SGCZ: variants seen among roughly 807,000 people sequenced by gnomAD.
SGCZ encodes sarcoglycan zeta, also known as zeta-sarcoglycan.
SGCZ carries 40 observed loss-of-function variants against 41.3 expected under a neutral mutation model. The observed-to-expected ratio is 0.97, with a 90% CI of 0.75 to 1.26. SGCZ has a LOEUF of 1.26. Ranked by LOEUF, SGCZ falls within the 50% of genes most tolerant of loss-of-function variation. The pLI is 0.00. For synonymous variants in SGCZ, 206 were observed against 137.5 expected (o/e 1.50, Z -3.49); for missense variants, 552 against 369.8 (o/e 1.49, Z -4.04).
intron 1 of SGCZ, among the ~76,000 whole-genome samples, chr8:14,644,529 A>C (rs985996472): frequency 2.6e-5 from 4 of 151,752 alleles, no homozygotes; most frequent in Admixed American, 1.3e-4. Context: ...GTCTCTCTTT[A>C]TCTCTCCTTC....
At chr8:14,205,367 C>A (rs1186404501) in intron 4 of SGCZ, among the ~76,000 whole-genome samples, 1 of 152,160 alleles carries the variant, frequency 6.6e-6, no homozygotes, top group African/African-American at 2.4e-5. Flanking sequence ...ATTTTCCAAG[C>A]AATCTGCTAA....
intron 2 of SGCZ, among the ~76,000 whole-genome samples, chr8:14,543,944 C>T (rs1803545590): frequency 6.6e-6 from 1 of 152,044 alleles, no homozygotes; most frequent in Non-Finnish European, 1.5e-5. Flanking sequence ...TGTGTTATGG[C>T]CCATCACCAG....
rs562837175 is a variant in SGCZ, at chr8:14,781,005, T to A, written c.40-226079A>T. ...TGATACCAAGACCTAAAATATTTAGTTTAAACTAGCAGACTTTTGTCATCA... is the reference window on the plus strand; with the variant it reads ...TGATACCAAGACCTAAAATATTTAGATTAAACTAGCAGACTTTTGTCATCA... On this transcript the variant is annotated intron_variant, in intron 1 of 7. Transcript: ENST00000382080. Among the ~76,000 whole-genome samples, 4 of 152,256 alleles carry A rather than the reference T, an allele frequency of 2.6e-5. No homozygotes were observed. In the South Asian group the frequency reaches 6.2e-4, roughly 24 times the overall value.
intron 2 of SGCZ, among the ~76,000 whole-genome samples, chr8:14,477,297 A>T (rs1043499929): frequency 3.9e-5 from 6 of 152,268 alleles, no homozygotes; most frequent in African/African-American, 1.2e-4. Flanking sequence ...ACCACAGCAA[A>T]ACCCTTTAAA....
At chr8:14,662,615 G>T (rs182059386) in intron 1 of SGCZ, among the ~76,000 whole-genome samples, 31 of 152,228 alleles carry the variant, frequency 2.0e-4, no homozygotes, top group Non-Finnish European at 3.7e-4. Context: ...GCTAAATAAT[G>T]GTCCTCCAAA....
At chr8:14,907,063 G>C (rs1799138133) in intron 1 of SGCZ, among the ~76,000 whole-genome samples, 1 of 152,078 alleles carries the variant, frequency 6.6e-6, no homozygotes, top group African/African-American at 2.4e-5. Context: ...TGAAAGCATG[G>C]TGCTAGTTTT....
intron 1 of SGCZ, among the ~76,000 whole-genome samples, chr8:15,067,171 A>G (rs1805182553): frequency 6.6e-6 from 1 of 152,114 alleles, no homozygotes; most frequent in Admixed American, 6.6e-5. Flanking sequence ...CCAGTCATTT[A>G]TTTCCATATA....
intron 2 of SGCZ, among the ~76,000 whole-genome samples, chr8:14,326,207 C>T (rs1802108333): frequency 6.7e-6 from 1 of 148,228 alleles, no homozygotes; most frequent in African/African-American, 2.5e-5. Context: ...GTTTATAAAA[C>T]CAAGGATAAA....
intron 4 of SGCZ, among the ~76,000 whole-genome samples, chr8:14,223,557 G>C (rs976118946): frequency 6.7e-6 from 1 of 150,360 alleles, no homozygotes; most frequent in Admixed American, 6.7e-5. Context: ...TATTTTAACA[G>C]AATTAGTGAG....
At chr8:14,243,240 A>G (rs573786654) in intron 3 of SGCZ, among the ~76,000 whole-genome samples, 1 of 152,194 alleles carries the variant, frequency 6.6e-6, no homozygotes, top group Non-Finnish European at 1.5e-5. Flanking sequence ...TGTATAGTTT[A>G]CAAGAAAAAT....
intron 1 of SGCZ, among the ~76,000 whole-genome samples, chr8:15,212,902 T>C (rs1334117137): frequency 6.6e-6 from 1 of 152,092 alleles, no homozygotes; most frequent in South Asian, 2.1e-4. Flanking sequence ...GGGTAATGAA[T>C]ATAACTGATC....
chr8:14,458,649 T>G (rs1800815999), intron 2 of SGCZ, among the ~76,000 whole-genome samples: 1 of 152,178 alleles, frequency 6.6e-6, no homozygotes, highest in Non-Finnish European at 1.5e-5. Context: ...ACATGTGGAC[T>G]AGGATCTCTA....
chr8:15,194,752 G>A (rs1385341416), intron 1 of SGCZ, among the ~76,000 whole-genome samples: 1 of 152,136 alleles, frequency 6.6e-6, no homozygotes, highest in Non-Finnish European at 1.5e-5. Flanking sequence ...GTTAGAACAG[G>A]TAAGGAAACA....
intron 5 of SGCZ, among the ~76,000 whole-genome samples, chr8:14,149,185 G>C (rs1195240026): frequency 6.6e-6 from 1 of 152,050 alleles, no homozygotes; most frequent in East Asian, 1.9e-4. Context: ...GTACTAGCTA[G>C]AGCCATCAGA....
intron 1 of SGCZ, among the ~76,000 whole-genome samples, chr8:14,707,977 CAT>C (rs1040013065): frequency 4.0e-5 from 6 of 151,896 alleles, no homozygotes; most frequent in African/African-American, 1.2e-4. Flanking sequence ...AATTAACAAA[CAT>C]GTAGGACAAA....
chr8:14,427,322 C>T (rs1160558887), intron 2 of SGCZ, among the ~76,000 whole-genome samples: 1 of 151,746 alleles, frequency 6.6e-6, no homozygotes, highest in Non-Finnish European at 1.5e-5. Flanking sequence ...CACATGTACC[C>T]CTGAACTTAA....
chr8:15,167,260 C>G (rs1205839297), intron 1 of SGCZ, among the ~76,000 whole-genome samples: 2 of 152,224 alleles, frequency 1.3e-5, no homozygotes, highest in African/African-American at 4.8e-5. Context: ...TTTACCAAGG[C>G]TTTGACTGGA....
chr8:14,213,314 T>C (rs1165935193), intron 4 of SGCZ, among the ~76,000 whole-genome samples: 1 of 152,088 alleles, frequency 6.6e-6, no homozygotes, highest in African/African-American at 2.4e-5. Context: ...GAGAAAAGCA[T>C]GCATTACCTT....
Position 14,781,283 on chromosome 8 carries a change from G to A in SGCZ, c.40-226357C>T, listed in dbSNP as rs538509821. Among the ~76,000 whole-genome samples, 21 of 152,256 alleles carry A rather than the reference G, an allele frequency of 1.4e-4. No homozygotes were observed. The South Asian group carries it at 4.1e-3, about 30-fold the overall frequency. The stretch of plus-strand genomic sequence containing the variant: ...GTCTCATTGTGTCACCCAGGCTAGA[G>A]TGCAATGGCGCCATCTTGGCTCACT... On this transcript the variant is annotated intron_variant, in intron 1 of 7. Coordinates refer to ENST00000382080, the MANE Select transcript of SGCZ (RefSeq NM_139167.4).
Sources: allele counts gnomAD v4.1 joint callset (sites outside exome capture counted in the v4.1 genomes callset), GRCh38; gene constraint gnomAD v4.1.1; transcripts MANE v1.5; gene names NCBI Gene and HGNC (gene_info 2026-07-23, HGNC 2026-07-21).